The following PDE8A variants were observed in gnomAD, a reference collection of about 807,000 sequenced individuals.
PDE8A encodes high affinity cAMP-specific and IBMX-insensitive 3',5'-cyclic phosphodiesterase 8A.
PDE8A carries 59 observed loss-of-function variants against 105.0 expected under a neutral mutation model. The ratio of observed to expected loss-of-function variants is 0.56; its 90% CI spans 0.46 to 0.70. The LOEUF (loss-of-function observed/expected upper bound fraction) is 0.70, where lower values mean the gene tolerates loss of function less well. Among genes scored for constraint, PDE8A ranks in the 30% least tolerant of loss-of-function variants. The pLI is 0.00. For missense variants in PDE8A, 1,014 were observed against 1,045.9 expected, an observed-to-expected ratio of 0.97 and a Z score of 0.42; for synonymous variants, 355 against 371.9, an observed-to-expected ratio of 0.95 and a Z score of 0.52.
chr15:85,099,038 G>C (rs2081810647), intron 9 of PDE8A, among the ~76,000 whole-genome samples: 1 of 152,166 alleles, frequency 6.6e-6, no homozygotes, highest in Non-Finnish European at 1.5e-5. Flanking sequence ...ATGATAGCTA[G>C]TGTTTAATCT....
At chr15:85,112,439 A>G (rs2082034450) in intron 12 of PDE8A, among the ~76,000 whole-genome samples, 2 of 152,194 alleles carry the variant, frequency 1.3e-5, no homozygotes, top group Admixed American at 1.3e-4. Context: ...AAGTCCTTTT[A>G]TGACAGTGAT....
chr15:84,992,617 AG>A (rs2079903939), intron 1 of PDE8A, among the ~76,000 whole-genome samples: 1 of 152,158 alleles, frequency 6.6e-6, no homozygotes, highest in African/African-American at 2.4e-5. Context: ...GACCTATTGC[AG>A]TGGTTCAGGC....
At chr15:85,098,409 A>C (rs528185475) in intron 9 of PDE8A, among the ~76,000 whole-genome samples, 1 of 152,086 alleles carries the variant, frequency 6.6e-6, no homozygotes, top group Admixed American at 6.6e-5. Context: ...GCAGAGACCT[A>C]TCAAATTAGA....
At chr15:85,014,411 A>G (rs559190196) in intron 1 of PDE8A, among the ~76,000 whole-genome samples, 4 of 152,294 alleles carry the variant, frequency 2.6e-5, no homozygotes, top group South Asian at 2.1e-4. Flanking sequence ...ATACCTCTAT[A>G]AAGAGAAGCT....
At chr15:85,085,967 G>A (rs531019227) in intron 6 of PDE8A, among the ~76,000 whole-genome samples, 1 of 150,544 alleles carries the variant, frequency 6.6e-6, no homozygotes, top group East Asian at 1.9e-4. Flanking sequence ...AGCTGAGATC[G>A]AGCCACTGCA....
In PDE8A at chr15:85,067,218, T is replaced by G; in HGVS notation, c.434+14T>G. On this transcript the variant is annotated intron_variant, in intron 3 of 21. Transcript: ENST00000394553. ...GGCACTGTGCAGGTAAGCCCAAGAC[T>G]CGGGCCTAAATAGTCCCATTGGCCT... is the stretch of plus-strand genomic sequence containing the variant. The G allele has an allele frequency of 6.2e-7, 1 of 1,603,496 alleles. No individual in the cohort carries two copies. The highest frequency in any genetic ancestry group is 8.5e-7 in the Non-Finnish European group (1 of 1,173,804).
rs547455133 is a variant in PDE8A at position 85,089,231 on chromosome 15, C to T, written c.636-107C>T. The T allele has an allele frequency of 6.7e-5, 45 of 675,892 alleles. No individual in the cohort carries two copies. The East Asian group carries it at 1.2e-3, about 18-fold the overall frequency. The allele number at this position is 675,892 out of a possible 1,614,324, so 41.9% of individuals were successfully genotyped here. A position where few individuals can be genotyped will look rare whatever the true frequency, so the allele number is the denominator to read the frequency against. ...CTTTTTATGTTTTAAAATATTTTCT[C>T]CCTTCCTTATAAATCGGACAAAAAA... On this transcript the variant is annotated intron_variant, in intron 6 of 21. Coordinates refer to ENST00000394553, the MANE Select transcript of PDE8A (RefSeq NM_002605.3).
chr15:85,069,831 G>A (rs536760573), intron 3 of PDE8A, among the ~76,000 whole-genome samples: 3 of 152,260 alleles, frequency 2.0e-5, no homozygotes, highest in African/African-American at 4.8e-5. Flanking sequence ...TTTCTACCAC[G>A]TCATCTCCAT....
intron 3 of PDE8A, among the ~76,000 whole-genome samples, chr15:85,067,506 T>G (rs2081248384): frequency 6.6e-6 from 1 of 152,154 alleles, no homozygotes; most frequent in Admixed American, 6.5e-5. Context: ...GAATTATAAT[T>G]TTTCAGATTG....
At chr15:85,098,090 A>G in intron 9 of PDE8A, 54 bp downstream of exon 9, 1 of 1,064,330 alleles carries the variant, frequency 9.4e-7, no homozygotes, top group Admixed American at 1.8e-5. Context: ...GGGTTATTGC[A>G]GAATTTGCTT....
At chr15:85,024,507 A>G (rs2080480854) in intron 1 of PDE8A, among the ~76,000 whole-genome samples, 1 of 149,626 alleles carries the variant, frequency 6.7e-6, no homozygotes, top group Non-Finnish European at 1.5e-5. Flanking sequence ...GTGACCAACT[A>G]ATTTCTATGT....
chr15:85,058,598 A>T (rs2081098591), intron 1 of PDE8A, among the ~76,000 whole-genome samples: 1 of 152,058 alleles, frequency 6.6e-6, no homozygotes, highest in South Asian at 2.1e-4. Flanking sequence ...AGATCTATTC[A>T]GGTTTTCTGT....
At chr15:84,987,729 G>A (rs751548562) in intron 1 of PDE8A, among the ~76,000 whole-genome samples, 4 of 151,668 alleles carry the variant, frequency 2.6e-5, no homozygotes, top group Admixed American at 6.6e-5. Flanking sequence ...TGCCCACCTC[G>A]GCCTCCCAGA....
chr15:85,089,190 A>T (rs1406122994), intron 6 of PDE8A, 148 bp from the exon 7 acceptor site: 2 of 576,190 alleles, frequency 3.5e-6, no homozygotes, highest in Non-Finnish European at 6.1e-6. Flanking sequence ...AGGGGCTTGC[A>T]GGGGGGTGTT....
intron 1 of PDE8A, among the ~76,000 whole-genome samples, chr15:85,006,126 G>C (rs182287879): frequency 3.3e-5 from 5 of 152,188 alleles, no homozygotes; most frequent in African/African-American, 7.2e-5. Context: ...GTTGTGAGGT[G>C]GGGGGAGGGA....
In PDE8A at chr15:85,136,593, C is replaced by T; in HGVS notation, c.2313C>T (p.Thr771=). Residue 771 remains threonine (T), a synonymous_variant, in exon 21 of 22, where the codon ACC becomes ACT. Transcript: ENST00000394553. ...TGATGCCAGTGTTTGACAGAAATAC[C>T]TGCAGCATCCCCAAATCCCAAATCT... is the stretch of plus-strand genomic sequence containing the variant. ...PVVMPVFDRN[T]CSIPKSQISF... 1 of 1,613,672 alleles carries T rather than the reference C, an allele frequency of 6.2e-7. No homozygotes were observed.
In PDE8A at chr15:85,060,442, A is replaced by G. The variant is rs1370414277; in HGVS notation, c.187-3928A>G. Among the ~76,000 whole-genome samples, 5 of 152,356 alleles carry G rather than the reference A, an allele frequency of 3.3e-5. No homozygotes were observed. In the East Asian group the frequency reaches 9.6e-4, roughly 29 times the overall value. On this transcript the variant is annotated intron_variant, in intron 1 of 21. Coordinates refer to ENST00000394553, the MANE Select transcript of PDE8A (RefSeq NM_002605.3). ...AAGATTGAAAATATTTAGGAAAATA[A>G]AAATAAAACATGTAAAATAATACAG...
chr15:84,992,251 T>TTG (rs769227780), intron 1 of PDE8A, among the ~76,000 whole-genome samples: 39 of 151,968 alleles, frequency 2.6e-4, no homozygotes, highest in Non-Finnish European at 5.6e-4. Flanking sequence ...AGGCAAGAGC[T>TTG]TGGTCTGGAT....
chr15:84,982,518 A>G (rs2079733004), intron 1 of PDE8A, among the ~76,000 whole-genome samples, 170 bp downstream of exon 1: 1 of 152,136 alleles, frequency 6.6e-6, no homozygotes, highest in Non-Finnish European at 1.5e-5. Flanking sequence ...GGCAGCGTTC[A>G]GAGAAGGACC....
Sources: gnomAD v4.1 joint callset for allele counts (sites outside exome capture counted in the v4.1 genomes callset) on GRCh38, gnomAD v4.1.1 for gene constraint, MANE v1.5 for transcripts, NCBI Gene and HGNC (gene_info 2026-07-23, HGNC 2026-07-21) for gene names.